The following LAMP1 variants were observed in gnomAD, a reference collection of about 807,000 sequenced individuals.
LAMP1 encodes the protein lysosome associated membrane protein 1.
A neutral mutation model predicts 37.5 loss-of-function variants in LAMP1; 7 were observed. The observed-to-expected ratio is 0.19, with a 90% CI of 0.11 to 0.35. The LOEUF (loss-of-function observed/expected upper bound fraction) is 0.35, where lower values mean the gene tolerates loss of function less well. Ranked by LOEUF, LAMP1 falls within the 10% of genes least tolerant of loss-of-function variation. LAMP1 has a pLI of 1.00. For synonymous variants in LAMP1, 236 were observed against 229.1 expected (o/e 1.03, Z -0.27); for missense variants, 537 against 552.8 (o/e 0.97, Z 0.29).
intron 3 of LAMP1, among the ~76,000 whole-genome samples, chr13:113,310,462 G>T (rs2042624380): frequency 6.6e-6 from 1 of 152,170 alleles, no homozygotes; most frequent in African/African-American, 2.4e-5. Flanking sequence ...GAAGGCGGAG[G>T]TTGCAGTGAG....
chr13:113,312,303 A>G (rs2042634793), intron 4 of LAMP1, among the ~76,000 whole-genome samples: 1 of 152,236 alleles, frequency 6.6e-6, no homozygotes, highest in Admixed American at 6.5e-5. Context: ...TTCTTGACAC[A>G]TAAAGATTAT....
chr13:113,306,425 A>G (rs1220626701), intron 1 of LAMP1, 60 bp from the exon 2 acceptor site: 2 of 1,571,494 alleles, frequency 1.3e-6, no homozygotes, highest in African/African-American at 2.7e-5. Flanking sequence ...GAAAATGGAA[A>G]TACTCGGTCG....
At chr13:113,308,562 T>G (rs1282992049) in intron 2 of LAMP1, among the ~76,000 whole-genome samples, 1 of 151,886 alleles carries the variant, frequency 6.6e-6, no homozygotes, top group Non-Finnish European at 1.5e-5. Context: ...TGACCTCAGG[T>G]GATCTTCCCA....
intron 1 of LAMP1, among the ~76,000 whole-genome samples, chr13:113,298,122 G>C (rs2042552380): frequency 1.3e-5 from 2 of 152,186 alleles, no homozygotes; most frequent in African/African-American, 4.8e-5. Flanking sequence ...AGATTCCGTA[G>C]TAGACAAGAT....
intron 4 of LAMP1, among the ~76,000 whole-genome samples, chr13:113,315,015 G>A (rs141039287): frequency 0.015 from 1,841 of 125,682 alleles, 20 homozygotes; most frequent in African/African-American, 0.03. Context: ...GGAGATGCCC[G>A]TGTGCCTGGG....
At chr13:113,299,639 G>A (rs76859848) in intron 1 of LAMP1, among the ~76,000 whole-genome samples, 4,083 of 147,866 alleles carry the variant, frequency 0.028, 93 homozygotes, top group African/African-American at 0.065. Context: ...CGTGATCTCC[G>A]TTCACTGCAG....
In LAMP1 at chr13:113,322,301, C is replaced by T. The variant is rs372917889; in HGVS notation, c.1134C>T (p.Asp378=). The T allele has an allele frequency of 7.6e-5, 122 of 1,612,844 alleles. No homozygotes were observed. In the Admixed American group the frequency reaches 1.5e-3, roughly 20 times the overall value. ...QFGSVEECLL[D]ENSMLIPIAV... is the part of the protein sequence containing the mutation. ...TGGCAGTGGAGGAGTGTCTGCTGGA[C>T]GAGAACAGCATGCTGATCCCCATCG... The change falls in exon 9 of 9, where the codon GAC becomes GAT. Residue 378 remains aspartate (D), a synonymous_variant. Coordinates refer to ENST00000332556, the MANE Select transcript of LAMP1 (RefSeq NM_005561.4).
At chr13:113,301,627 TAAA>T (rs1161593860) in intron 1 of LAMP1, among the ~76,000 whole-genome samples, 464 of 9,184 alleles carry the variant, frequency 0.051, 2 homozygotes, top group East Asian at 0.079. Context: ...TGTTTCCATT[TAAA>T]AAAAAAAAAA....
intron 4 of LAMP1, among the ~76,000 whole-genome samples, chr13:113,314,440 G>A (rs111464412): frequency 5.4e-4 from 47 of 87,042 alleles, no homozygotes; most frequent in South Asian, 1.7e-3. Context: ...GGAGATGCCC[G>A]TGTGCCTGGG....
intron 1 of LAMP1, among the ~76,000 whole-genome samples, chr13:113,298,800 A>G (rs2042555788): frequency 6.6e-6 from 1 of 152,224 alleles, no homozygotes; most frequent in Non-Finnish European, 1.5e-5. Context: ...GTTCTTTGTT[A>G]CAGATGCTCA....
intron 2 of LAMP1, among the ~76,000 whole-genome samples, chr13:113,308,813 G>A (rs1429022165): frequency 1.3e-5 from 2 of 152,020 alleles, no homozygotes; most frequent in South Asian, 2.1e-4. Flanking sequence ...TTTGGCCCAC[G>A]TTAGTATACT....
Position 113,297,375 on chromosome 13 carries a change from C to T in LAMP1, c.-60C>T. 4 of 382,254 alleles carry T rather than the reference C, an allele frequency of 1.0e-5. No homozygotes were observed. The highest frequency in any genetic ancestry group is 1.6e-5 in the Non-Finnish European group (4 of 247,514). 23.7% of individuals were successfully genotyped at this position (382,254 alleles called of 1,614,324 possible). A position where few individuals can be genotyped will look rare whatever the true frequency, so the allele number is the denominator to read the frequency against. On this transcript the variant is annotated 5_prime_UTR_variant, in exon 1 of 9. Coordinates refer to ENST00000332556, the MANE Select transcript of LAMP1 (RefSeq NM_005561.4). The surrounding 1 kb of genome is among the most constrained non-coding windows in gnomAD (Gnocchi z 4.4). ...CCCCGCCACCGCAGCGCCCGGCAGT[C>T]CGCGGCCCAACCGCCGCCCGCGCCC...
intron 4 of LAMP1, 66 bp from the exon 5 acceptor site, chr13:113,319,403 A>T (rs2042684574): frequency 3.5e-6 from 5 of 1,409,478 alleles, no homozygotes; most frequent in East Asian, 4.6e-5. Context: ...CTGAGTTTGG[A>T]TCTTACTGTA....
In LAMP1 at chr13:113,297,486, C is replaced by T; in HGVS notation, c.52C>T (p.Leu18=). The T allele has an allele frequency of 8.0e-7, 1 of 1,253,332 alleles. No individual in the cohort carries two copies. Among genetic ancestry groups the T allele is most frequent in the Non-Finnish European group, 1.0e-6 (1 of 1,001,228 alleles). 77.6% of individuals were successfully genotyped at this position (1,253,332 alleles called of 1,614,324 possible). Residue 18 remains leucine (L), a synonymous_variant, in exon 1 of 9, where the codon CTG becomes TTG. Transcript: ENST00000332556. This position sits in a 1 kb window ranked among gnomAD's most constrained non-coding sequence, Gnocchi z 4.4. ...RRPLLLLLLL[L]LLGLMHCASA... Reference sequence around the variant, plus strand: ...ACCCCTGCTGCTGCTACTGCTGTTGCTGCTGCTCGGTGAGGGGGTCGAGGC... The same window carrying T: ...ACCCCTGCTGCTGCTACTGCTGTTGTTGCTGCTCGGTGAGGGGGTCGAGGC...
At chr13:113,315,304 T>A (rs1360595873) in intron 4 of LAMP1, among the ~76,000 whole-genome samples, 2 of 151,194 alleles carry the variant, frequency 1.3e-5, no homozygotes, top group Non-Finnish European at 2.9e-5. Flanking sequence ...GAGATGCCGG[T>A]GTGCCTGGGG....
Position 113,305,163 on chromosome 13 carries a change from A to G in LAMP1, c.62-1322A>G, listed in dbSNP as rs183057928. On this transcript the variant is annotated intron_variant, in intron 1 of 8. Coordinates refer to ENST00000332556, the MANE Select transcript of LAMP1 (RefSeq NM_005561.4). ...GGAATAGGATTTTAAATGAAAAGCT[A>G]AGCATCCTCTCTTTCAATATCTGCC... 16 of 152,348 alleles carry G rather than the reference A, an allele frequency of 1.1e-4. No homozygotes were observed. In the East Asian group the frequency reaches 3.1e-3, roughly 29 times the overall value. The allele number at this position is 152,348 out of a possible 1,614,324, so 9.4% of individuals were successfully genotyped here.
At chr13:113,317,300 C>T (rs1230636834) in intron 4 of LAMP1, among the ~76,000 whole-genome samples, 1 of 152,220 alleles carries the variant, frequency 6.6e-6, no homozygotes, top group East Asian at 1.9e-4. Flanking sequence ...CTCTCCGTCA[C>T]TGTCCTCCGC....
chr13:113,321,739 C>G lies in LAMP1; in HGVS notation c.1114+12C>G. ...CCAGTTTGGCTCTGGTGAGTGTCACCGAGGGCAGCTGTCGCGGGGTGTGGA... is the reference window on the plus strand; with the variant it reads ...CCAGTTTGGCTCTGGTGAGTGTCACGGAGGGCAGCTGTCGCGGGGTGTGGA... On this transcript the variant is annotated intron_variant, in intron 8 of 8. Transcript: ENST00000332556. This position sits in a 1 kb window ranked among gnomAD's most constrained non-coding sequence, Gnocchi z 5.6. The G allele has an allele frequency of 2.5e-6, 4 of 1,612,994 alleles. No individual in the cohort carries two copies. In the Admixed American group the frequency reaches 5.0e-5, roughly 20 times the overall value.
intron 1 of LAMP1, chr13:113,306,191 G>A (rs746327677): frequency 4.1e-5 from 9 of 222,160 alleles, no homozygotes; most frequent in Non-Finnish European, 7.3e-5. Flanking sequence ...AAACCCCGTC[G>A]CTACTAAAAA....
Sources: gnomAD v4.1 joint callset for allele counts (sites outside exome capture counted in the v4.1 genomes callset) on GRCh38, gnomAD v4.1.1 for gene constraint, Gnocchi (gnomAD v3.1) non-coding constraint, MANE v1.5 for transcripts, NCBI Gene and HGNC (gene_info 2026-07-23, HGNC 2026-07-21) for gene names.